Variants in SEC14L5 observed in about 807,000 individuals in gnomAD.
SEC14L5 encodes the protein SEC14 like lipid binding 5.
Under a neutral mutation model 84.6 loss-of-function variants are expected in SEC14L5, and 96 were observed. The ratio of observed to expected loss-of-function variants is 1.13; its 90% confidence interval spans 0.96 to 1.34. The LOEUF (loss-of-function observed/expected upper bound fraction) is 1.34. Among genes scored for constraint, SEC14L5 ranks in the 40% most tolerant of loss-of-function variants. The pLI is 0.00. For missense variants in SEC14L5, 1,224 were observed against 942.5 expected (o/e 1.30, Z -3.91); for synonymous variants, 546 against 383.4 (o/e 1.42, Z -4.95).
chr16:4,978,179 G>C (rs77589706), intron 2 of SEC14L5, among the ~76,000 whole-genome samples: 46,633 of 46,636 alleles, frequency 1, 23,315 homozygotes, highest in Middle Eastern at 1. Flanking sequence ...CTTTGGGAGG[G>C]CGAGACGGGC....
At position 4,968,834 on chromosome 16, in the gene SEC14L5, C is replaced by T. The variant is rs118094816; in HGVS notation, c.63+9448C>T. On this transcript the variant is annotated intron_variant, in intron 2 of 15. Coordinates refer to ENST00000251170, the MANE Select transcript of SEC14L5 (RefSeq NM_014692.2). Reference sequence around the variant, plus strand: ...GGCTTTTCCTGTGGAGGAAGGGTTACGGAGGTAAGGTTCTGTCCTTCAGCA... The same window carrying T: ...GGCTTTTCCTGTGGAGGAAGGGTTATGGAGGTAAGGTTCTGTCCTTCAGCA... Among the ~76,000 whole-genome samples the T allele has an allele frequency of 9.8e-3, 1,489 of 152,270 alleles. 15 individuals carry two copies. The highest frequency in any genetic ancestry group is 0.015 in the South Asian group (71 of 4,818).
At chr16:4,979,278 G>T (rs1366811641) in intron 2 of SEC14L5, among the ~76,000 whole-genome samples, 1 of 152,172 alleles carries the variant, frequency 6.6e-6, no homozygotes, top group Non-Finnish European at 1.5e-5. Flanking sequence ...GGCACTGTTT[G>T]GTTCTAGAAG....
At chr16:4,999,450 T>G (rs1334695213) in intron 8 of SEC14L5, among the ~76,000 whole-genome samples, 1 of 150,800 alleles carries the variant, frequency 6.6e-6, no homozygotes, top group East Asian at 2.0e-4. Context: ...CCACCACATC[T>G]CCACAAAAAA....
In SEC14L5 at chr16:5,008,413, C is replaced by T. The variant is rs753266554; in HGVS notation, c.1573-8C>T. ...CGTGACTCTCAGACCTCGCCTGTCT[C>T]CACACAGGTGGCCGTGGAGATCCTG... On this transcript the variant is annotated splice_polypyrimidine_tract_variant and splice_region_variant and intron_variant, in intron 13 of 15. Transcript: ENST00000251170. 1.9e-5 allele frequency: 31 copies of T among 1,604,828 alleles called. 1 individual carries two copies. In the South Asian group the frequency reaches 2.1e-4, roughly 11 times the overall value.
chr16:4,996,502 A>G lies in SEC14L5; in HGVS notation c.780+42A>G, dbSNP rs143589050. 32 of 1,062,656 alleles carry G rather than the reference A, an allele frequency of 3.0e-5. No individual in the cohort carries two copies. In the East Asian group the frequency reaches 3.9e-4, roughly 13 times the overall value. 65.8% of individuals were successfully genotyped at this position (1,062,656 alleles called of 1,614,324 possible). A position where few individuals can be genotyped will look rare whatever the true frequency, so the allele number is the denominator to read the frequency against. On this transcript the variant is annotated intron_variant, in intron 7 of 15. Coordinates refer to ENST00000251170, the MANE Select transcript of SEC14L5 (RefSeq NM_014692.2). ...CCCTGGAGCAGTGGATGAATGGGCA[A>G]TGACTGGTACTCAGCCTCCGTGCAT...
chr16:4,977,695 G>C (rs1167476684), intron 2 of SEC14L5, among the ~76,000 whole-genome samples: 2 of 152,076 alleles, frequency 1.3e-5, no homozygotes, highest in Non-Finnish European at 2.9e-5. Context: ...CCTGCGAAGA[G>C]AGGTGCTCTA....
chr16:4,978,815 A>C (rs548191327), intron 2 of SEC14L5, among the ~76,000 whole-genome samples: 43 of 152,220 alleles, frequency 2.8e-4, no homozygotes, highest in African/African-American at 1.0e-3. Flanking sequence ...GTTAGCCAGG[A>C]TGGTCTCGAT....
chr16:4,988,973 A>G (rs780194949), intron 4 of SEC14L5, among the ~76,000 whole-genome samples: 9 of 152,216 alleles, frequency 5.9e-5, no homozygotes, highest in Non-Finnish European at 1.2e-4. Context: ...TGGGAGTCAG[A>G]GAAGGTGGTA....
intron 14 of SEC14L5, among the ~76,000 whole-genome samples, chr16:5,009,200 C>G (rs1955771347): frequency 6.6e-6 from 1 of 152,108 alleles, no homozygotes; most frequent in Non-Finnish European, 1.5e-5. Flanking sequence ...CAATCTCTGC[C>G]TCTGTCTTTA....
At chr16:4,993,926 C>G (rs1017925391) in intron 6 of SEC14L5, among the ~76,000 whole-genome samples, 3 of 148,808 alleles carry the variant, frequency 2.0e-5, no homozygotes, top group African/African-American at 7.4e-5. Flanking sequence ...TCATTATGAG[C>G]AAGATCAGGC....
rs1427003138 is a variant in SEC14L5, at chr16:5,017,371, A to G, written c.*2401A>G. 2.0e-5 allele frequency: 3 copies of G among 152,312 alleles called. No homozygotes were observed. The highest frequency in any genetic ancestry group is 4.1e-4 in the South Asian group (2 of 4,832). The allele number at this position is 152,312 out of a possible 1,614,324, so 9.4% of individuals were successfully genotyped here. ...GCTGAAGGTGGGTGCTGCTTCAGATATGGCTGGATCCAGGAGCTTAATGTC... is the reference window on the plus strand; with the variant it reads ...GCTGAAGGTGGGTGCTGCTTCAGATGTGGCTGGATCCAGGAGCTTAATGTC... On this transcript the variant is annotated 3_prime_UTR_variant, in exon 16 of 16. Transcript: ENST00000251170.
rs560373403 is a variant in SEC14L5 at position 5,015,394 on chromosome 16, G to A, written c.*424G>A. On this transcript the variant is annotated 3_prime_UTR_variant, in exon 16 of 16. Transcript: ENST00000251170. ...ATAAGAGAGCCTCTTCCTCCCAAAG[G>A]CTCCAGCCCACTTCCCAGAGCTGAG... The A allele has an allele frequency of 2.7e-4, 47 of 171,928 alleles. No homozygotes were observed. Among genetic ancestry groups the A allele is most frequent in the African/African-American group, 7.8e-4 (33 of 42,314 alleles). 10.7% of individuals were successfully genotyped at this position (171,928 alleles called of 1,614,324 possible). A position where few individuals can be genotyped will look rare whatever the true frequency, so the allele number is the denominator to read the frequency against.
chr16:4,959,708 G>A (rs534625254), intron 2 of SEC14L5, among the ~76,000 whole-genome samples: 2 of 152,178 alleles, frequency 1.3e-5, no homozygotes, highest in African/African-American at 4.8e-5. Flanking sequence ...GCATATCACA[G>A]TGATAAATGG....
At position 4,991,853 on chromosome 16, in the gene SEC14L5, G is replaced by T; in HGVS notation, c.490G>T (p.Glu164Ter). The T allele has an allele frequency of 6.2e-7, 1 of 1,606,850 alleles. No individual in the cohort carries two copies. Among genetic ancestry groups the T allele is most frequent in the Non-Finnish European group, 8.5e-7 (1 of 1,176,804 alleles). Residue 164 changes from glutamate to a stop codon, truncating the protein, a stop_gained, in exon 6 of 16, where the codon GAG (glutamate) becomes TAG (stop). Transcript: ENST00000251170. LOFTEE classifies it high-confidence loss of function. ...TGGCTTCCAGGGGAAGGAGGTGATT[G>T]AGCATTACCTGAATGAGCTCATCTC... ...ANVKRGKEVI[E>*]HYLNELISQG...
chr16:4,994,067 A>G (rs868510073), intron 6 of SEC14L5, among the ~76,000 whole-genome samples: 1 of 147,830 alleles, frequency 6.8e-6, no homozygotes, highest in African/African-American at 2.5e-5. Context: ...CTCTTTGTAT[A>G]TGAAGGCAAC....
At chr16:4,968,423 C>A (rs1955233885) in intron 2 of SEC14L5, among the ~76,000 whole-genome samples, 2 of 152,220 alleles carry the variant, frequency 1.3e-5, no homozygotes, top group South Asian at 4.1e-4. Context: ...AGGTGATCCG[C>A]CTGCCCTGGC....
chr16:4,977,332 A>G (rs1955355058), intron 2 of SEC14L5, among the ~76,000 whole-genome samples: 1 of 149,606 alleles, frequency 6.7e-6, no homozygotes, highest in Non-Finnish European at 1.5e-5. Context: ...CTGTAATCCC[A>G]GGTACTTGGG....
chr16:4,999,084 C>A (rs1261938741), intron 8 of SEC14L5, among the ~76,000 whole-genome samples: 4 of 152,136 alleles, frequency 2.6e-5, no homozygotes, highest in African/African-American at 7.2e-5. Flanking sequence ...CTATTTAATG[C>A]CACATTGTTG....
chr16:4,964,920 G>A (rs536863344), intron 2 of SEC14L5, among the ~76,000 whole-genome samples: 1 of 151,898 alleles, frequency 6.6e-6, no homozygotes, highest in Non-Finnish European at 1.5e-5. Context: ...TAGTAGACAT[G>A]GGGTTTCACC....
Sources: gnomAD v4.1 joint callset for allele counts (sites outside exome capture counted in the v4.1 genomes callset) on GRCh38, gnomAD v4.1.1 for gene constraint, MANE v1.5 for transcripts, NCBI Gene and HGNC (gene_info 2026-07-23, HGNC 2026-07-21) for gene names.